The following KNL1 variants were observed in gnomAD, a reference collection of about 807,000 sequenced individuals.
The protein encoded by KNL1 is outer kinetochore KNL1 complex subunit KNL1.
Under a neutral mutation model 201.3 loss-of-function variants are expected in KNL1, and 66 were observed. That is an observed-to-expected ratio of 0.33 (90% CI 0.27 to 0.40). The LOEUF is 0.40. Ranked by LOEUF, KNL1 falls within the 10% of genes least tolerant of loss-of-function variation. The pLI is 1.00. For missense variants in KNL1, 2,815 were observed against 2,690.5 expected (o/e 1.05, Z -1.02); for synonymous variants, 895 against 899.2 (o/e 1.00, Z 0.08).
chr15:40,624,506 T>G lies in KNL1; in HGVS notation c.4242T>G (p.Thr1414=), dbSNP rs922069243. 6.2e-7 allele frequency: 1 copy of G among 1,613,650 alleles called. No individual in the cohort carries two copies. The highest frequency in any genetic ancestry group is 8.5e-7 in the Non-Finnish European group (1 of 1,179,884). ...LVYSQDLGEM[T]KLNSKRVSFK... ...ATAGTCAAGATCTGGGGGAGATGAC[T>G]AAACTTAATTCAAAGCGAGTATCTT... The change falls in exon 10 of 26, where the codon ACT becomes ACG. Residue 1414 remains threonine (T), a synonymous_variant. Transcript: ENST00000399668.
chr15:40,631,362 A>G (rs1892907295), intron 13 of KNL1, among the ~76,000 whole-genome samples: 1 of 152,122 alleles, frequency 6.6e-6, no homozygotes, highest in East Asian at 1.9e-4. Context: ...ATTTCTTAGT[A>G]AAGGAGAATA....
intron 7 of KNL1, among the ~76,000 whole-genome samples, chr15:40,613,598 CTCTTTCCCTCT>C: frequency 6.6e-6 from 1 of 151,720 alleles, no homozygotes; most frequent in Non-Finnish European, 1.5e-5. Flanking sequence ...AAATTATTCC[CTCTTTCCCTCT>C]TCTTTCTTTT....
chr15:40,624,522 C>G lies in KNL1; in HGVS notation c.4258C>G (p.Arg1420Gly). ...GGAGATGACTAAACTTAATTCAAAGCGAGTATCTTTTAAGCTTCCAAAGGA... is the reference window on the plus strand; with the variant it reads ...GGAGATGACTAAACTTAATTCAAAGGGAGTATCTTTTAAGCTTCCAAAGGA... ...LGEMTKLNSK[R>G]VSFKLPKDQM... Residue 1420 changes from arginine to glycine, a missense_variant, in exon 10 of 26, where the codon CGA becomes GGA. By Grantham distance (125) the Arg-to-Gly change is moderately radical. This residue lies in a region of KNL1 where 2,464 missense variants were observed against 2,291.7 expected (regional missense o/e 1.08). Transcript: ENST00000399668. 2 of 1,613,578 alleles carry G rather than the reference C, an allele frequency of 1.2e-6. No homozygotes were observed. The highest frequency in any genetic ancestry group is 2.7e-5 in the African/African-American group (2 of 74,988).
intron 16 of KNL1, among the ~76,000 whole-genome samples, chr15:40,646,270 CT>C (rs1893380722): frequency 6.6e-6 from 1 of 152,034 alleles, no homozygotes; most frequent in African/African-American, 2.4e-5. Context: ...TGCTGTAATT[CT>C]TTTTGACCAC....
At chr15:40,635,701 T>TA (rs1893037625) in intron 13 of KNL1, among the ~76,000 whole-genome samples, 1 of 152,024 alleles carries the variant, frequency 6.6e-6, no homozygotes, top group South Asian at 2.1e-4. Flanking sequence ...CCAGCCCTCA[T>TA]AGACATGTAC....
At position 40,611,496 on chromosome 15, in the gene KNL1, ATCT is replaced by A. The variant is rs1480465216; in HGVS notation, c.274_276del (p.Leu93del). 4 of 229,870 alleles carry A rather than the reference ATCT, an allele frequency of 1.7e-5. No homozygotes were observed. The highest frequency in any genetic ancestry group is 1.6e-4 in the East Asian group (1 of 6,116). 14.2% of individuals were successfully genotyped at this position (229,870 alleles called of 1,614,324 possible). ...TTTTTAGAAACAGAAACAGGAGAAA[ATCT>A]TCTTTTGATACAGTAAGTAATATTC... On this transcript the variant is annotated inframe_deletion, in exon 7 of 26. Transcript: ENST00000399668.
rs1308819915 is a variant in KNL1, at chr15:40,624,793, A to T, written c.4529A>T (p.Asn1510Ile). The change falls in exon 10 of 26, where the codon AAT (asparagine) becomes ATT (isoleucine). Residue 1510 changes from asparagine (N) to isoleucine (I), a missense_variant. Coordinates refer to ENST00000399668, the MANE Select transcript of KNL1 (RefSeq NM_144508.5). The part of the protein sequence containing the change: ...AAACKKELKE[N>I]IQTTNYNTAL... ...GCCTGTAAAAAAGAACTGAAGGAAA[A>T]TATTCAAACAACTAACTATAATACA... 1 of 1,613,674 alleles carries T rather than the reference A, an allele frequency of 6.2e-7. No individual in the cohort carries two copies. Among genetic ancestry groups the T allele is most frequent in the Non-Finnish European group, 8.5e-7 (1 of 1,179,920 alleles).
At chr15:40,651,766 ATT>A (rs1163442290) in intron 20 of KNL1, among the ~76,000 whole-genome samples, 194 bp downstream of exon 20, 1 of 152,154 alleles carries the variant, frequency 6.6e-6, no homozygotes, top group African/African-American at 2.4e-5. Flanking sequence ...ATTTTTCCAT[ATT>A]TTATACTTTT....
At chr15:40,642,363 C>T (rs567672116) in intron 14 of KNL1, among the ~76,000 whole-genome samples, 1 of 150,854 alleles carries the variant, frequency 6.6e-6, no homozygotes, top group East Asian at 2.0e-4. Flanking sequence ...CGCACCACTG[C>T]ACTCCAGCAG....
chr15:40,646,902 T>A, intron 16 of KNL1, 85 bp from the exon 17 acceptor site: 1 of 625,858 alleles, frequency 1.6e-6, no homozygotes, highest in East Asian at 3.0e-5. Flanking sequence ...GTGATCATGA[T>A]AGAGCGATTA....
At position 40,651,563 on chromosome 15, in the gene KNL1, A is replaced by G; in HGVS notation, c.6305A>G (p.Asp2102Gly). 6.2e-7 allele frequency: 1 copy of G among 1,604,706 alleles called. No individual in the cohort carries two copies. The highest frequency in any genetic ancestry group is 8.5e-7 in the Non-Finnish European group (1 of 1,175,362). ...AGAAATAGAACTGAAGAGCTACTGG[A>G]TCAGTTGAGGTAAGGAAATGCAGGC... ...KQRNRTEELL[D>G]QLSLSEWDVV... The change falls in exon 20 of 26, where the codon GAT (aspartate) becomes GGT (glycine). Residue 2102 changes from aspartate to glycine, a missense_variant. By Grantham distance (94) the Asp-to-Gly change is moderately conservative. Transcript: ENST00000399668.
At chr15:40,613,018 T>G (rs2141708845) in intron 7 of KNL1, among the ~76,000 whole-genome samples, 1 of 152,312 alleles carries the variant, frequency 6.6e-6, no homozygotes, top group South Asian at 2.1e-4. Context: ...TAGATAAGGT[T>G]ATTCACAGCA....
intron 13 of KNL1, among the ~76,000 whole-genome samples, chr15:40,635,596 C>T (rs913205659): frequency 6.6e-6 from 1 of 151,464 alleles, no homozygotes; most frequent in Admixed American, 6.6e-5. Context: ...TCAGATGATC[C>T]GCCCGCCTCA....
At position 40,622,611 on chromosome 15, in the gene KNL1, G is replaced by A. The variant is rs767378783; in HGVS notation, c.2347G>A (p.Gly783Ser). The A allele has an allele frequency of 1.2e-5, 19 of 1,604,512 alleles. No homozygotes were observed. The East Asian group carries it at 4.0e-4, about 34-fold the overall frequency. The change falls in exon 10 of 26, where the codon GGT becomes AGT. Residue 783 changes from glycine to serine, a missense_variant. Around this residue, in one of 3 missense-constraint regions of KNL1, gnomAD observed 2,464 missense variants for 2,291.7 expected, o/e 1.08. Transcript: ENST00000399668. ...TGGTCCTTCTGAACTACAAGAACTT[G>A]GTAAAACTAATTTAGAACACACTAC... The part of the protein sequence containing the change: ...GFGPSELQEL[G>S]KTNLEHTTGQ...
Position 40,623,916 on chromosome 15 carries a change from G to A in KNL1, c.3652G>A (p.Ala1218Thr). Residue 1218 changes from alanine (A) to threonine (T), a missense_variant, in exon 10 of 26, where the codon GCT (alanine) becomes ACT (threonine). This residue lies in a region of KNL1 where 2,464 missense variants were observed against 2,291.7 expected (regional missense o/e 1.08). Coordinates refer to ENST00000399668, the MANE Select transcript of KNL1 (RefSeq NM_144508.5). ...VQEIAEKQAL[A>T]VGNKIVLHTE... The stretch of plus-strand genomic sequence containing the variant: ...AGAAATCGCTGAAAAACAAGCACTG[G>A]CTGTAGGAAACAAAATAGTTCTTCA... 1 of 1,613,266 alleles carries A rather than the reference G, an allele frequency of 6.2e-7. No individual in the cohort carries two copies. The highest frequency in any genetic ancestry group is 8.5e-7 in the Non-Finnish European group (1 of 1,179,930).
At chr15:40,608,616 A>G (rs548337903) in intron 4 of KNL1, among the ~76,000 whole-genome samples, 1 of 151,812 alleles carries the variant, frequency 6.6e-6, no homozygotes, top group South Asian at 2.1e-4. Flanking sequence ...GTGGTGACGT[A>G]TGCCTGTAAT....
intron 14 of KNL1, among the ~76,000 whole-genome samples, 168 bp downstream of exon 14, chr15:40,641,195 C>G (rs190359119): frequency 6.6e-6 from 1 of 152,302 alleles, no homozygotes; most frequent in African/African-American, 2.4e-5. Flanking sequence ...CAGATTGAAG[C>G]TCAGTCTTGG....
chr15:40,600,370 C>T (rs894162044), intron 1 of KNL1, among the ~76,000 whole-genome samples: 10 of 152,194 alleles, frequency 6.6e-5, no homozygotes, highest in South Asian at 2.1e-4. Flanking sequence ...CCACCACGCC[C>T]GGCTATTTGG....
Position 40,602,802 on chromosome 15 carries a change from G to A in KNL1, c.-17-113G>A, listed in dbSNP as rs935576612. 5.1e-6 allele frequency: 3 copies of A among 586,286 alleles called. No homozygotes were observed. The Admixed American group carries it at 9.7e-5, about 19-fold the overall frequency. The allele number at this position is 586,286 out of a possible 1,614,324, so 36.3% of individuals were successfully genotyped here. The stretch of plus-strand genomic sequence containing the variant: ...GCCCGGCCTTTCCTTCCCATCTTTG[G>A]TCTTCCCTCAGAAAGTAACCCTGAA... On this transcript the variant is annotated intron_variant, in intron 1 of 25. Coordinates refer to ENST00000399668, the MANE Select transcript of KNL1 (RefSeq NM_144508.5).
Sources: gnomAD v4.1 joint callset for allele counts (sites outside exome capture counted in the v4.1 genomes callset) on GRCh38, gnomAD v4.1.1 for gene constraint, gnomAD v4.1.1 regional missense constraint, MANE v1.5 for transcripts, NCBI Gene and HGNC (gene_info 2026-07-23, HGNC 2026-07-21) for gene names.